The following PTPRT variants were observed in gnomAD, a reference collection of about 807,000 sequenced individuals.
PTPRT encodes protein tyrosine phosphatase receptor type T.
A neutral mutation model predicts 176.8 loss-of-function variants in PTPRT; 56 were observed. The observed-to-expected ratio is 0.32, with a 90% CI of 0.26 to 0.40. The LOEUF (loss-of-function observed/expected upper bound fraction) is 0.40. PTPRT is among the 10% of genes least tolerant of loss of function. The pLI is 1.00. For synonymous variants in PTPRT, 783 were observed against 739.0 expected, an observed-to-expected ratio of 1.06 and a Z score of -0.96; for missense variants, 1,540 against 1,908.2, an observed-to-expected ratio of 0.81 and a Z score of 3.60.
At position 42,771,430 on chromosome 20, in the gene PTPRT, C is replaced by T; in HGVS notation, c.684+5G>A. 6.2e-7 allele frequency: 1 copy of T among 1,611,632 alleles called. No homozygotes were observed. The highest frequency in any genetic ancestry group is 8.5e-7 in the Non-Finnish European group (1 of 1,177,774). On this transcript the variant is annotated splice_donor_5th_base_variant and intron_variant, in intron 5 of 30. Transcript: ENST00000373187. ...AGTCTGAGCAGAGGCTTCTCTCATG[C>T]TTACCTGGAGCCAAAGCTTGTCATG...
chr20:42,972,151 C>G (rs1270832304), intron 1 of PTPRT, among the ~76,000 whole-genome samples: 1 of 143,654 alleles, frequency 7.0e-6, no homozygotes, highest in African/African-American at 2.5e-5. Flanking sequence ...GCCATGCCTC[C>G]CCTCCCCAAC....
intron 1 of PTPRT, among the ~76,000 whole-genome samples, chr20:43,152,386 T>C (rs1313033748): frequency 6.6e-6 from 1 of 152,210 alleles, no homozygotes; most frequent in East Asian, 1.9e-4. Context: ...AAAATACATA[T>C]GAATTCATTG....
chr20:42,375,354 T>C (rs2058638325), intron 9 of PTPRT, among the ~76,000 whole-genome samples: 1 of 152,144 alleles, frequency 6.6e-6, no homozygotes. Context: ...GAATTCATGT[T>C]CAAACTTAAT....
At chr20:42,256,503 GA>G (rs71193653) in intron 13 of PTPRT, among the ~76,000 whole-genome samples, 36 of 147,128 alleles carry the variant, frequency 2.4e-4, no homozygotes, top group East Asian at 6.0e-4. Context: ...TTTTAAAAAT[GA>G]AAAAAAAAAT....
At chr20:42,183,189 T>C (rs1437549684) in intron 16 of PTPRT, among the ~76,000 whole-genome samples, 5 of 152,162 alleles carry the variant, frequency 3.3e-5, no homozygotes, top group African/African-American at 1.2e-4. Flanking sequence ...CCCCAGTTCC[T>C]GCTTACCTCT....
At chr20:42,829,792 A>C (rs1307470358) in intron 2 of PTPRT, among the ~76,000 whole-genome samples, 1 of 152,192 alleles carries the variant, frequency 6.6e-6, no homozygotes, top group Admixed American at 6.5e-5. Context: ...CAGAAATAAA[A>C]ATTATCCTTA....
At chr20:43,033,077 T>C (rs547559526) in intron 1 of PTPRT, among the ~76,000 whole-genome samples, 2 of 152,344 alleles carry the variant, frequency 1.3e-5, no homozygotes, top group South Asian at 4.1e-4. Context: ...TCTATTTTGA[T>C]ACCTACAAAT....
At chr20:43,083,352 A>G (rs1488659924) in intron 1 of PTPRT, among the ~76,000 whole-genome samples, 3 of 128,624 alleles carry the variant, frequency 2.3e-5, no homozygotes, top group Non-Finnish European at 3.3e-5. Flanking sequence ...ATATATATAT[A>G]TATATATATA....
chr20:42,545,025 C>T (rs1568966092), intron 7 of PTPRT, among the ~76,000 whole-genome samples: 1 of 152,148 alleles, frequency 6.6e-6, no homozygotes, highest in African/African-American at 2.4e-5. Flanking sequence ...AGAAAACTAG[C>T]AGTGCTGTGA....
At chr20:42,393,497 T>C (rs1020497691) in intron 9 of PTPRT, among the ~76,000 whole-genome samples, 2 of 151,374 alleles carry the variant, frequency 1.3e-5, no homozygotes, top group African/African-American at 2.4e-5. Flanking sequence ...CCACTCAGAT[T>C]ACAGTGTGTG....
intron 15 of PTPRT, among the ~76,000 whole-genome samples, chr20:42,230,723 T>C (rs887282971): frequency 5.3e-5 from 8 of 152,200 alleles, no homozygotes; most frequent in Admixed American, 1.3e-4. Flanking sequence ...TCTATGAGTG[T>C]TCCAGGTGGA....
chr20:42,490,887 A>C (rs2071550699), intron 7 of PTPRT, among the ~76,000 whole-genome samples: 1 of 152,202 alleles, frequency 6.6e-6, no homozygotes. Flanking sequence ...AAAAATAATC[A>C]TAAATTGGTG....
chr20:42,891,593 T>C (rs2079193514), intron 1 of PTPRT, among the ~76,000 whole-genome samples: 1 of 152,222 alleles, frequency 6.6e-6, no homozygotes, highest in African/African-American at 2.4e-5. Context: ...AAGTTTATAG[T>C]GTCAATCAGA....
At chr20:42,042,334 A>G in the PTPRT span, among the ~76,000 whole-genome samples, 1 of 152,230 alleles carries the variant, frequency 6.6e-6, no homozygotes, top group Non-Finnish European at 1.5e-5. Flanking sequence ...ATTGCATACC[A>G]TGCAGCAAAA....
chr20:43,106,019 G>A (rs1013256683), intron 1 of PTPRT, among the ~76,000 whole-genome samples: 2 of 152,082 alleles, frequency 1.3e-5, no homozygotes, highest in Non-Finnish European at 2.9e-5. Context: ...TGAGGGGCAG[G>A]TGCCTGGGGA....
At chr20:42,392,760 T>C (rs1368842394) in intron 9 of PTPRT, among the ~76,000 whole-genome samples, 1 of 152,074 alleles carries the variant, frequency 6.6e-6, no homozygotes, top group Non-Finnish European at 1.5e-5. Flanking sequence ...GGAATTCACA[T>C]GGAAAAGGAC....
chr20:42,032,275 T>G, the PTPRT span, among the ~76,000 whole-genome samples: 1 of 152,102 alleles, frequency 6.6e-6, no homozygotes, highest in African/African-American at 2.4e-5. Flanking sequence ...GCCAGGAAAG[T>G]GATGGTCATC....
chr20:42,472,476 C>T lies in PTPRT; in HGVS notation c.1240G>A (p.Val414Met). 8 of 1,614,254 alleles carry T rather than the reference C, an allele frequency of 5.0e-6. 1 individual carries two copies. The highest frequency in any genetic ancestry group is 5.1e-6 in the Non-Finnish European group (6 of 1,180,040). Residue 414 changes from valine (V) to methionine (M), a missense_variant, in exon 8 of 31, where the codon GTG (valine) becomes ATG (methionine). Around this residue, in one of 11 missense-constraint regions of PTPRT, gnomAD observed 273 missense variants for 432.1 expected, o/e 0.63. Transcript: ENST00000373187. ...TLQWEPFGYAVTRCHSYNLTV... is the reference protein window; with the variant it reads ...TLQWEPFGYAMTRCHSYNLTV... ...AGGTTGTAGCTATGGCAGCGGGTCA[C>T]CGCGTAGCCGAAGGGCTCCCACTGC... is the stretch of plus-strand genomic sequence containing the variant.
intron 7 of PTPRT, among the ~76,000 whole-genome samples, chr20:42,500,718 A>G (rs995240797): frequency 6.6e-6 from 1 of 152,094 alleles, no homozygotes; most frequent in African/African-American, 2.4e-5. Flanking sequence ...ATGCTTATTG[A>G]CTGAAGATGT....
Sources: gnomAD v4.1 joint callset for allele counts (sites outside exome capture counted in the v4.1 genomes callset) on GRCh38, gnomAD v4.1.1 for gene constraint, gnomAD v4.1.1 regional missense constraint, MANE v1.5 for transcripts, NCBI Gene and HGNC (gene_info 2026-07-23, HGNC 2026-07-21) for gene names.